Variants in PCDH15 observed in about 807,000 individuals in gnomAD.
The protein encoded by PCDH15 is protocadherin-15.
In PCDH15, 129 loss-of-function variants were observed where a neutral mutation model predicts 178.5. The observed-to-expected ratio is 0.72, with a 90% CI of 0.63 to 0.84. The LOEUF is 0.84. PCDH15 is among the 40% of genes least tolerant of loss of function. The pLI is 0.00. For missense variants in PCDH15, 2,230 were observed against 2,099.9 expected (o/e 1.06, Z -1.21); for synonymous variants, 800 against 732.0 (o/e 1.09, Z -1.50).
chr10:55,042,203 G>T (rs2131978278), intron 2 of PCDH15, among the ~76,000 whole-genome samples: 1 of 152,188 alleles, frequency 6.6e-6, no homozygotes, highest in South Asian at 2.1e-4. Context: ...ACCCTCTGAA[G>T]GAAGAATAGG....
chr10:54,439,199 T>C (rs1228656938), intron 3 of PCDH15, among the ~76,000 whole-genome samples: 1 of 152,022 alleles, frequency 6.6e-6, no homozygotes, highest in Non-Finnish European at 1.5e-5. Flanking sequence ...AGCATAAATA[T>C]GTATAAGGAT....
chr10:54,090,174 A>T lies in PCDH15; in HGVS notation c.1918-111T>A, dbSNP rs2094576608. On this transcript the variant is annotated intron_variant, in intron 15 of 37. Transcript: ENST00000644397. ...AGCACAGAATGTCCATGACACTGTT[A>T]AAGAATAAAGATTAAAGCATGGCCT... 22 of 836,146 alleles carry T rather than the reference A, an allele frequency of 2.6e-5. 1 individual carries two copies. In the South Asian group the frequency reaches 3.2e-4, roughly 12 times the overall value. 51.8% of individuals were successfully genotyped at this position (836,146 alleles called of 1,614,324 possible).
chr10:53,947,302 A>G (rs1247216294), intron 23 of PCDH15, among the ~76,000 whole-genome samples: 1 of 152,180 alleles, frequency 6.6e-6, no homozygotes, highest in Non-Finnish European at 1.5e-5. Flanking sequence ...AATAAAAGTA[A>G]ATGTTGTATG....
rs540507383 is a variant in PCDH15 at position 54,345,801 on chromosome 10, C to CAA, written c.594+562_594+563dup. On this transcript the variant is annotated intron_variant, in intron 6 of 37. Coordinates refer to ENST00000644397, the MANE Select transcript of PCDH15 (RefSeq NM_001384140.1). ...TGGGCAACAGAGCGAGACTCCGTCT[C>CAA]AAAAAAAAAAAAAAAAAAAAAAAAA... Among the ~76,000 whole-genome samples the CAA allele has an allele frequency of 7.6e-3, 397 of 52,478 alleles. 16 individuals are homozygous for CAA. The highest frequency in any genetic ancestry group is 0.016 in the East Asian group (14 of 878). 34.4% of individuals were successfully genotyped at this position (52,478 alleles called of 152,430 possible).
Position 54,236,866 on chromosome 10 carries a change from T to C in PCDH15, c.942A>G (p.Gln314=), listed in dbSNP as rs149481989. ...IQAIDQDRNI[Q]PPSDRPGILY... ...GGATTCCTGGCCTATCTGATGGCGGTTGAATATTCCGGTCCTGATCAATGG... is the reference window on the plus strand; with the variant it reads ...GGATTCCTGGCCTATCTGATGGCGGCTGAATATTCCGGTCCTGATCAATGG... Residue 314 remains glutamine (Q), a synonymous_variant, in exon 9 of 38, where the codon CAA becomes CAG. Transcript: ENST00000644397. 1.9e-4 allele frequency: 308 copies of C among 1,613,692 alleles called. 2 individuals are homozygous for C. The highest frequency in any genetic ancestry group is 7.8e-5 in the Non-Finnish European group (92 of 1,179,706).
At chr10:54,041,407 C>T (rs1197018902) in intron 18 of PCDH15, among the ~76,000 whole-genome samples, 1 of 152,012 alleles carries the variant, frequency 6.6e-6, no homozygotes, top group Admixed American at 6.6e-5. Context: ...ACAACATTTT[C>T]AGGGCTGGGG....
At chr10:54,255,867 A>G (rs938289251) in intron 8 of PCDH15, among the ~76,000 whole-genome samples, 5 of 152,186 alleles carry the variant, frequency 3.3e-5, no homozygotes, top group Non-Finnish European at 5.9e-5. Flanking sequence ...AATGCGACCT[A>G]GAACACCAGT....
chr10:54,366,619 G>A (rs1589058326), intron 5 of PCDH15, among the ~76,000 whole-genome samples: 1 of 151,068 alleles, frequency 6.6e-6, no homozygotes, highest in South Asian at 2.1e-4. Flanking sequence ...ACTAAACTAA[G>A]TACTAGTACT....
At chr10:54,419,243 T>TAC (rs146831797) in intron 3 of PCDH15, among the ~76,000 whole-genome samples, 48 of 150,554 alleles carry the variant, frequency 3.2e-4, no homozygotes, top group Admixed American at 1.3e-3. Flanking sequence ...CATATATACA[T>TAC]ACACACACAC....
chr10:55,198,507 G>T (rs1390408050), intron 1 of PCDH15, among the ~76,000 whole-genome samples: 2 of 152,022 alleles, frequency 1.3e-5, no homozygotes, highest in South Asian at 2.1e-4. Flanking sequence ...TATTTTTTGA[G>T]ACGGAGTCTC....
chr10:55,157,146 T>C (rs1220990359), intron 2 of PCDH15, among the ~76,000 whole-genome samples: 2 of 151,844 alleles, frequency 1.3e-5, no homozygotes, highest in Non-Finnish European at 2.9e-5. Context: ...TCTATCTATA[T>C]AAAATCATTA....
chr10:54,279,549 C>G (rs1346758560), intron 8 of PCDH15, among the ~76,000 whole-genome samples: 1 of 151,606 alleles, frequency 6.6e-6, no homozygotes, highest in Non-Finnish European at 1.5e-5. Context: ...TACTTTGTTT[C>G]AACTCTACTC....
At chr10:54,079,201 A>G in intron 17 of PCDH15, 130 bp downstream of exon 17, 1 of 940,358 alleles carries the variant, frequency 1.1e-6, no homozygotes, top group East Asian at 2.4e-5. Context: ...AGAAAAGAGC[A>G]ACACTTCTAG....
chr10:54,227,027 G>T (rs1235553023), intron 9 of PCDH15, among the ~76,000 whole-genome samples: 1 of 152,078 alleles, frequency 6.6e-6, no homozygotes, highest in South Asian at 2.1e-4. Flanking sequence ...GGCTGGGGTC[G>T]GGTGTCTGTA....
Position 53,927,357 on chromosome 10 carries a change from C to A in PCDH15, c.3373+11458G>T, listed in dbSNP as rs528689835. 5.9e-5 allele frequency among the ~76,000 whole-genome samples: 9 copies of A among 152,208 alleles called. No individual in the cohort carries two copies. In the South Asian group the frequency reaches 1.9e-3, roughly 32 times the overall value. On this transcript the variant is annotated intron_variant, in intron 25 of 37. Coordinates refer to ENST00000644397, the MANE Select transcript of PCDH15 (RefSeq NM_001384140.1). ...AATACACTAAATTCCATTGTTTGCC[C>A]ATGTATCTATTATTTTATTACCACT...
At chr10:54,817,445 C>A (rs960038473) in intron 3 of PCDH15, among the ~76,000 whole-genome samples, 1 of 151,966 alleles carries the variant, frequency 6.6e-6, no homozygotes, top group Admixed American at 6.6e-5. Context: ...CACATTCTTA[C>A]TCATCTCTAT....
intron 2 of PCDH15, among the ~76,000 whole-genome samples, chr10:55,463,085 T>A (rs1589049487): frequency 4.2e-5 from 6 of 143,166 alleles, no homozygotes; most frequent in South Asian, 2.2e-4. Flanking sequence ...ATAGGAAAGG[T>A]CAGGATCCAA....
chr10:55,139,788 C>G (rs1838297964), intron 2 of PCDH15, among the ~76,000 whole-genome samples: 2 of 151,778 alleles, frequency 1.3e-5, no homozygotes, highest in Non-Finnish European at 2.9e-5. Flanking sequence ...TATAAATAAA[C>G]TTGGGAATCA....
intron 3 of PCDH15, among the ~76,000 whole-genome samples, chr10:54,476,291 A>G (rs1818471411): frequency 6.6e-6 from 1 of 151,978 alleles, no homozygotes; most frequent in African/African-American, 2.4e-5. Context: ...TTGCTGCTGT[A>G]GAAAGGACAC....
Sources: allele counts gnomAD v4.1 joint callset (sites outside exome capture counted in the v4.1 genomes callset), GRCh38; gene constraint gnomAD v4.1.1; transcripts MANE v1.5; gene names NCBI Gene and HGNC (gene_info 2026-07-23, HGNC 2026-07-21).